RPP40: variants seen among roughly 807,000 people sequenced by gnomAD.
RPP40 encodes ribonuclease P protein subunit p40.
Under a neutral mutation model 42.5 loss-of-function variants are expected in RPP40, and 30 were observed. The observed-to-expected ratio is 0.71, with a 90% CI of 0.53 to 0.96. The LOEUF (loss-of-function observed/expected upper bound fraction) is 0.96. RPP40 is among the 40% of genes least tolerant of loss of function. The probability of loss-of-function intolerance (pLI) is 0.00; values close to 1 mark genes in which losing one functional copy is unlikely to be tolerated. For missense variants in RPP40, 426 were observed against 433.5 expected (o/e 0.98, Z 0.15); for synonymous variants, 173 against 164.0 (o/e 1.05, Z -0.42).
chr6:5,002,356 G>A, intron 1 of RPP40, 111 bp from the exon 2 acceptor site: 1 of 911,512 alleles, frequency 1.1e-6, no homozygotes, highest in Non-Finnish European at 1.6e-6. Context: ...GAGTTTCACT[G>A]GAACATAAAA....
chr6:4,993,642 T>C (rs1445652323), downstream of RPP40, among the ~76,000 whole-genome samples: 1 of 152,236 alleles, frequency 6.6e-6, no homozygotes, highest in Non-Finnish European at 1.5e-5. Context: ...AGTAAAATCC[T>C]GTTATCACTT....
chr6:4,996,464 T>C (rs1470081971), intron 5 of RPP40, 44 bp from the exon 6 acceptor site: 3 of 1,595,630 alleles, frequency 1.9e-6, no homozygotes, highest in East Asian at 2.2e-5. Context: ...CATCTGACCA[T>C]CGTAAGCAAG....
chr6:4,996,505 A>T, intron 5 of RPP40, 85 bp from the exon 6 acceptor site: 1 of 1,222,942 alleles, frequency 8.2e-7, no homozygotes, highest in Non-Finnish European at 1.2e-6. Flanking sequence ...ACCCATTCCC[A>T]TCTGAGCGGT....
intron 4 of RPP40, 94 bp downstream of exon 4, chr6:4,999,715 T>G: frequency 1.4e-6 from 1 of 735,704 alleles, no homozygotes; most frequent in Non-Finnish European, 2.3e-6. Flanking sequence ...AAAGGCCACA[T>G]TTTTTTGAAC....
chr6:4,994,010 G>A (rs1246984), downstream of RPP40, among the ~76,000 whole-genome samples: 10,921 of 151,808 alleles, frequency 0.072, 581 homozygotes, highest in Admixed American at 0.15. Context: ...ATGCACTAAG[G>A]CGGAAAAGTG....
downstream of RPP40, among the ~76,000 whole-genome samples, chr6:4,989,844 C>T (rs576735148): frequency 3.1e-4 from 47 of 152,270 alleles, no homozygotes; most frequent in Non-Finnish European, 5.4e-4. Context: ...TTGTAGAGTC[C>T]GCTGAATTTT....
chr6:4,998,839 C>T lies in RPP40; in HGVS notation c.436G>A (p.Val146Ile). Reference protein sequence around the residue: ...FSGRKIMKFIVSIDLMELSLN... With the variant: ...FSGRKIMKFIISIDLMELSLN... ...GATAATTCCATCAAATCAATGGAAA[C>T]AACTTTAAAAATGAAAAAAAGAACA... Residue 146 changes from valine (V) to isoleucine (I), a missense_variant and splice_region_variant, in exon 5 of 8, where the codon GTT (valine) becomes ATT (isoleucine). Physicochemically the swap from Val to Ile is conservative, Grantham distance 29 (BLOSUM62 3). Coordinates refer to ENST00000380051, the MANE Select transcript of RPP40 (RefSeq NM_006638.4). The T allele has an allele frequency of 7.1e-7, 1 of 1,402,884 alleles. No homozygotes were observed. The highest frequency in any genetic ancestry group is 9.7e-7 in the Non-Finnish European group (1 of 1,028,094). 86.9% of individuals were successfully genotyped at this position (1,402,884 alleles called of 1,614,324 possible).
In RPP40 at chr6:5,000,598, A is replaced by G. The variant is rs768030501; in HGVS notation, c.302T>C (p.Ile101Thr). 1.3e-6 allele frequency: 2 copies of G among 1,594,216 alleles called. No individual in the cohort carries two copies. The highest frequency in any genetic ancestry group is 1.7e-5 in the Admixed American group (1 of 59,690). ...SCYALTYNTH[I>T]DEDNTVALLP... is the part of the protein sequence containing the mutation. ...CAGGGCAACAGTATTATCTTCATCA[A>G]TATGTGTATTGTATGTTAGTGCATA... Residue 101 changes from isoleucine (I) to threonine (T), a missense_variant, in exon 3 of 8, where the codon ATT becomes ACT. Coordinates refer to ENST00000380051, the MANE Select transcript of RPP40 (RefSeq NM_006638.4).
chr6:4,995,186 T>C lies in RPP40; in HGVS notation c.984A>G (p.Glu328=). 1 of 1,614,104 alleles carries C rather than the reference T, an allele frequency of 6.2e-7. No individual in the cohort carries two copies. Among genetic ancestry groups the C allele is most frequent in the Non-Finnish European group, 8.5e-7 (1 of 1,179,920 alleles). The part of the protein sequence containing the change: ...ADSPVSWEKN[E]HGFRKGGEHL... ...GTTCTCCTCCTTTTCGAAAACCATGTTCATTTTTTTCCCAAGAAACAGGGC... is the reference window on the plus strand; with the variant it reads ...GTTCTCCTCCTTTTCGAAAACCATGCTCATTTTTTTCCCAAGAAACAGGGC... The change falls in exon 8 of 8, where the codon GAA becomes GAG. Residue 328 remains glutamate, a synonymous_variant. Transcript: ENST00000380051.
intron 1 of RPP40, among the ~76,000 whole-genome samples, chr6:5,002,885 G>C (rs1759607211): frequency 6.6e-6 from 1 of 152,204 alleles, no homozygotes; most frequent in Non-Finnish European, 1.5e-5. Flanking sequence ...TCAAACACCA[G>C]CCTGTTCTGA....
At position 4,999,870 on chromosome 6, in the gene RPP40, A is replaced by G. The variant is rs771000187; in HGVS notation, c.372T>C (p.Tyr124=). 3 of 1,609,658 alleles carry G rather than the reference A, an allele frequency of 1.9e-6. No homozygotes were observed. The highest frequency in any genetic ancestry group is 2.6e-6 in the Non-Finnish European group (3 of 1,176,448). ...GATGACCCTGAAGTCCAGTTTCTTCATAAGTGTCTTTATCCAGTGACAAAA... is the reference window on the plus strand; with the variant it reads ...GATGACCCTGAAGTCCAGTTTCTTCGTAAGTGTCTTTATCCAGTGACAAAA... ...KLILSLDKDT[Y]EETGLQGHPS... The change falls in exon 4 of 8, where the codon TAT becomes TAC. Residue 124 remains tyrosine, a synonymous_variant. Coordinates refer to ENST00000380051, the MANE Select transcript of RPP40 (RefSeq NM_006638.4).
At chr6:4,994,603 C>G (rs1013886994), downstream of RPP40, 2 of 156,166 alleles carry the variant, frequency 1.3e-5, no homozygotes, top group African/African-American at 4.8e-5. Flanking sequence ...GGTCCACTGC[C>G]ACTATAACTT....
chr6:5,000,768 A>G (rs1759527623), intron 2 of RPP40, 137 bp from the exon 3 acceptor site: 1 of 640,096 alleles, frequency 1.6e-6, no homozygotes, highest in Non-Finnish European at 2.8e-6. Context: ...CTCACTCAAT[A>G]AACCAAACAT....
Position 4,996,055 on chromosome 6 carries a change from G to A in RPP40, c.789C>T (p.Thr263=). 7 of 1,613,998 alleles carry A rather than the reference G, an allele frequency of 4.3e-6. No homozygotes were observed. Among genetic ancestry groups the A allele is most frequent in the Non-Finnish European group, 5.1e-6 (6 of 1,179,936 alleles). Residue 263 remains threonine, a synonymous_variant, in exon 7 of 8, where the codon ACC becomes ACT. Transcript: ENST00000380051. ...LNNEPNNFIS[T]YCCPEPSTVV... ...CTGTGCTTGGCTCAGGACAGCAATA[G>A]GTTGATATGAAATTATTAGGCTCAT...
chr6:5,000,423 G>A, intron 3 of RPP40, 140 bp downstream of exon 3: 1 of 592,820 alleles, frequency 1.7e-6, no homozygotes, highest in Non-Finnish European at 3.0e-6. Context: ...CCTGACCTCA[G>A]GTGATACACC....
At chr6:5,000,915 CAGA>C (rs1759535755) in intron 2 of RPP40, among the ~76,000 whole-genome samples, 1 of 150,828 alleles carries the variant, frequency 6.6e-6, no homozygotes, top group Non-Finnish European at 1.5e-5. Context: ...ACCAAGCATG[CAGA>C]AGACCAAGCA....
chr6:4,998,825 C>G lies in RPP40; in HGVS notation c.450G>C (p.Leu150Phe), dbSNP rs1759458972. 5 of 1,434,876 alleles carry G rather than the reference C, an allele frequency of 3.5e-6. No homozygotes were observed. Among genetic ancestry groups the G allele is most frequent in the Non-Finnish European group, 4.8e-6 (5 of 1,049,784 alleles). 88.9% of individuals were successfully genotyped at this position (1,434,876 alleles called of 1,614,324 possible). A position where few individuals can be genotyped will look rare whatever the true frequency, so the allele number is the denominator to read the frequency against. The change falls in exon 5 of 8, where the codon TTG (leucine) becomes TTC (phenylalanine). Residue 150 changes from leucine to phenylalanine, a missense_variant. Physicochemically the swap from Leu to Phe is conservative, Grantham distance 22. Transcript: ENST00000380051. ...KIMKFIVSIDLMELSLNLDSK... is the reference protein window; with the variant it reads ...KIMKFIVSIDFMELSLNLDSK... ...AATCCAAGTTTAAGGATAATTCCAT[C>G]AAATCAATGGAAACAACTTTAAAAA...
In RPP40 at chr6:5,004,032, T is replaced by G. The variant is rs1277115986; in HGVS notation, c.-30A>C. 3.2e-6 allele frequency: 5 copies of G among 1,568,506 alleles called. No individual in the cohort carries two copies. The highest frequency in any genetic ancestry group is 4.3e-6 in the Non-Finnish European group (5 of 1,157,222). On this transcript the variant is annotated 5_prime_UTR_variant, in exon 1 of 8. Transcript: ENST00000380051. ...TCCTGGGTTCCTGGTCCTCCCGGCC[T>G]CCGCTGGCGGGGCACGCCCCGCCCC...
downstream of RPP40, among the ~76,000 whole-genome samples, chr6:4,993,943 T>C (rs1298952920): frequency 6.6e-6 from 1 of 152,128 alleles, no homozygotes; most frequent in Non-Finnish European, 1.5e-5. Context: ...TGTGCTGTTC[T>C]GCAGCCCCTT....
Sources: allele counts gnomAD v4.1 joint callset (sites outside exome capture counted in the v4.1 genomes callset), GRCh38; gene constraint gnomAD v4.1.1; transcripts MANE v1.5; gene names NCBI Gene and HGNC (gene_info 2026-07-23, HGNC 2026-07-21).